DOCK11: variants seen among roughly 807,000 people sequenced by gnomAD.
DOCK11 encodes the protein dedicator of cytokinesis protein 11.
DOCK11 carries 70 observed loss-of-function variants against 169.1 expected under a neutral mutation model. The observed-to-expected ratio is 0.41, with a 90% CI of 0.34 to 0.51. The LOEUF (loss-of-function observed/expected upper bound fraction) is 0.51, where lower values mean the gene tolerates loss of function less well. Ranked by LOEUF, DOCK11 falls within the 20% of genes least tolerant of loss-of-function variation. The pLI is 0.10. For missense variants in DOCK11, 1,166 were observed against 1,538.8 expected (o/e 0.76, Z 4.05); for synonymous variants, 529 against 541.3 (o/e 0.98, Z 0.32).
chrX:118,580,339 G>T (rs900499842), intron 14 of DOCK11, among the ~76,000 whole-genome samples, 160 bp downstream of exon 14: 3 of 111,559 alleles, frequency 2.7e-5, no homozygotes, highest in African/African-American at 9.8e-5. Flanking sequence ...TTTTTGAGAC[G>T]GAGTTTCGCT....
At position 118,615,716 on chromosome X, in the gene DOCK11, G is replaced by A; in HGVS notation, c.3292+5G>A. 2 of 1,178,093 alleles carry A rather than the reference G, an allele frequency of 1.7e-6. No individual in the cohort carries two copies. Among genetic ancestry groups the A allele is most frequent in the Non-Finnish European group, 2.3e-6 (2 of 867,135 alleles). On this transcript the variant is annotated splice_donor_5th_base_variant and intron_variant, in intron 30 of 52. Transcript: ENST00000276202. ...CTAAACTGCAGCGGGTTCAAGGCAT[G>A]TATTTGCATTTTCCATCATTTGAGT...
intron 30 of DOCK11, chrX:118,616,271 C>G: frequency 2.1e-6 from 2 of 931,821 alleles, no homozygotes; most frequent in Non-Finnish European, 2.8e-6. Flanking sequence ...TCTAAATTAG[C>G]TTGCTGTTTT....
intron 21 of DOCK11, 33 bp downstream of exon 21, chrX:118,597,585 T>A (rs2014206322): frequency 8.3e-7 from 1 of 1,203,054 alleles, no homozygotes; most frequent in Non-Finnish European, 1.1e-6. Context: ...GAAGTAATCA[T>A]GATTAAATGT....
At chrX:118,572,220 A>G in intron 10 of DOCK11, 103 bp from the exon 11 acceptor site, 2 of 697,108 alleles carry the variant, frequency 2.9e-6, no homozygotes, top group Non-Finnish European at 4.1e-6. Context: ...CAAATGAAGA[A>G]TGGACAGAGA....
rs187948193 is a variant in DOCK11, at chrX:118,599,068, G to A, written c.2473-71G>A. On this transcript the variant is annotated intron_variant, in intron 22 of 52. Coordinates refer to ENST00000276202, the MANE Select transcript of DOCK11 (RefSeq NM_144658.4). ...ATAGGTCTGCAAGATACAGGAGGAG[G>A]GAGAGGTAGAGAGCTTGCATTTGAG... 2,012 of 836,606 alleles carry A rather than the reference G, an allele frequency of 2.4e-3. 3 individuals are homozygous for A. The highest frequency in any genetic ancestry group is 5.1e-3 in the Admixed American group (221 of 43,243). 68.9% of individuals were successfully genotyped at this position (836,606 alleles called of 1,213,427 possible).
chrX:118,632,521 G>T (rs764623518), intron 35 of DOCK11: 1 of 111,784 alleles, frequency 8.9e-6, no homozygotes, highest in East Asian at 2.8e-4. Context: ...ATGTCTTCTA[G>T]ATCCTTCTCA....
At chrX:118,665,567 A>C (rs1244786919) in intron 45 of DOCK11, among the ~76,000 whole-genome samples, 1 of 112,261 alleles carries the variant, frequency 8.9e-6, no homozygotes, top group Non-Finnish European at 1.9e-5. Context: ...AATAATCAAA[A>C]ACTGTAATTA....
At chrX:118,679,022 G>C (rs1347726646) in intron 48 of DOCK11, among the ~76,000 whole-genome samples, 2 of 111,028 alleles carry the variant, frequency 1.8e-5, no homozygotes, top group East Asian at 5.6e-4. Flanking sequence ...AAACTCCTGG[G>C]TTCAAGCAAT....
chrX:118,574,153 G>A (rs1193875264), intron 12 of DOCK11, 135 bp downstream of exon 12: 7 of 693,296 alleles, frequency 1.0e-5, no homozygotes, highest in Non-Finnish European at 1.4e-5. Context: ...AGATTTTTCT[G>A]GTTACTGAAG....
chrX:118,681,650 T>C (rs1163093547), intron 50 of DOCK11, 44 bp from the exon 51 acceptor site: 3 of 977,544 alleles, frequency 3.1e-6, no homozygotes, highest in South Asian at 6.0e-5. Context: ...CTTTTGATTA[T>C]TGCATTCTGG....
rs1260069311 is a variant in DOCK11, at chrX:118,495,855, C to A, written c.-117C>A. Reference sequence around the variant, plus strand: ...GCCGCCGAGCTGCGATGTGGCCGGCCGGCCGGCGAGTAAACAGAGGGAGCA... The same window carrying A: ...GCCGCCGAGCTGCGATGTGGCCGGCAGGCCGGCGAGTAAACAGAGGGAGCA... On this transcript the variant is annotated 5_prime_UTR_variant, in exon 1 of 53. Transcript: ENST00000276202. 1.8e-5 allele frequency: 5 copies of A among 283,712 alleles called. No individual in the cohort carries two copies. The highest frequency in any genetic ancestry group is 2.5e-5 in the Non-Finnish European group (5 of 196,251). 23.4% of individuals were successfully genotyped at this position (283,712 alleles called of 1,213,427 possible).
chrX:118,612,522 G>A (rs1278628273), intron 28 of DOCK11, among the ~76,000 whole-genome samples: 1 of 111,737 alleles, frequency 8.9e-6, no homozygotes, highest in Non-Finnish European at 1.9e-5. Flanking sequence ...CTTCTGTGTG[G>A]CAATTCAAAG....
At chrX:118,683,275 T>C in intron 52 of DOCK11, 58 bp downstream of exon 52, 2 of 1,142,412 alleles carry the variant, frequency 1.8e-6, no homozygotes, top group Non-Finnish European at 2.4e-6. Flanking sequence ...AAATTGTTGC[T>C]TAGCAAAATA....
At chrX:118,546,768 T>C (rs2012299464) in intron 6 of DOCK11, among the ~76,000 whole-genome samples, 1 of 111,220 alleles carries the variant, frequency 9.0e-6, no homozygotes, top group Admixed American at 9.7e-5. Flanking sequence ...GGTGGGTGGA[T>C]TGCTTGAGGG....
Position 118,630,396 on chromosome X carries a change from AAGG to A in DOCK11, c.3795_3797del (p.Arg1265del), listed in dbSNP as rs778992745. ...CCTTACAGACCCGACAGAGTTCTAC[AAGG>A]AGTAGTGTATCCCAGTATAACCGCC... On this transcript the variant is annotated inframe_deletion, in exon 35 of 53. Coordinates refer to ENST00000276202, the MANE Select transcript of DOCK11 (RefSeq NM_144658.4). 2 of 1,204,614 alleles carry A rather than the reference AAGG, an allele frequency of 1.7e-6. No homozygotes were observed. The highest frequency in any genetic ancestry group is 1.8e-5 in the South Asian group (1 of 56,355).
chrX:118,675,077 T>G (rs1045245201), intron 46 of DOCK11, among the ~76,000 whole-genome samples: 1 of 112,086 alleles, frequency 8.9e-6, no homozygotes, highest in Non-Finnish European at 1.9e-5. Flanking sequence ...TACTAAACCC[T>G]TATCAGATCT....
Position 118,605,331 on chromosome X carries a change from G to A in DOCK11, c.2656G>A (p.Asp886Asn). 8.4e-7 allele frequency: 1 copy of A among 1,190,622 alleles called. No individual in the cohort carries two copies. The highest frequency in any genetic ancestry group is 1.1e-6 in the Non-Finnish European group (1 of 881,599). Residue 886 changes from aspartate to asparagine, a missense_variant, in exon 24 of 53, where the codon GAT becomes AAT. Transcript: ENST00000276202. The stretch of plus-strand genomic sequence containing the variant: ...AGTTCTCACAAATATGACCCATGAA[G>A]ATGACGTTCCTATCAACTGCACCAT... ...FRVLTNMTHE[D>N]DVPINCTMVL...
chrX:118,559,407 T>C (rs1414249669), intron 6 of DOCK11, among the ~76,000 whole-genome samples: 2 of 112,384 alleles, frequency 1.8e-5, no homozygotes, highest in East Asian at 2.8e-4. Context: ...TTTTTTCATA[T>C]TATTTTTTTC....
chrX:118,510,394 T>A (rs1283472095), intron 1 of DOCK11, among the ~76,000 whole-genome samples: 1 of 112,522 alleles, frequency 8.9e-6, no homozygotes, highest in Non-Finnish European at 1.9e-5. Context: ...TGACATGTTT[T>A]CTTAAATTCT....
Sources: gnomAD v4.1 joint callset for allele counts (sites outside exome capture counted in the v4.1 genomes callset) on GRCh38, gnomAD v4.1.1 for gene constraint, MANE v1.5 for transcripts, NCBI Gene and HGNC (gene_info 2026-07-23, HGNC 2026-07-21) for gene names.